Variants in MED15 observed in about 807,000 individuals in gnomAD.
MED15 encodes mediator complex subunit 15.
In MED15, 41 loss-of-function variants were observed where a neutral mutation model predicts 118.7. The ratio of observed to expected loss-of-function variants is 0.35; its 90% CI spans 0.27 to 0.45. The LOEUF (loss-of-function observed/expected upper bound fraction) is 0.45. Among genes scored for constraint, MED15 ranks in the 20% least tolerant of loss-of-function variants. The probability of loss-of-function intolerance (pLI) is 1.00; values close to 1 mark genes in which losing one functional copy is unlikely to be tolerated. For synonymous variants in MED15, 436 were observed against 413.9 expected (o/e 1.05, Z -0.65); for missense variants, 740 against 1,025.5 (o/e 0.72, Z 3.80).
chr22:20,570,763 T>C (rs1222477742), intron 8 of MED15, among the ~76,000 whole-genome samples: 2 of 121,820 alleles, frequency 1.6e-5, no homozygotes, highest in South Asian at 5.7e-4. Context: ...TTTTTTTTTT[T>C]TTTTTTTTTT....
At chr22:20,535,316 T>C (rs2055023489) in intron 1 of MED15, among the ~76,000 whole-genome samples, 1 of 152,150 alleles carries the variant, frequency 6.6e-6, no homozygotes, top group Non-Finnish European at 1.5e-5. Context: ...TTTTTCTTTT[T>C]ACATTAAGAC....
At chr22:20,551,394 T>A (rs762517348) in intron 2 of MED15, 42 bp from the exon 3 acceptor site, 1 of 1,588,734 alleles carries the variant, frequency 6.3e-7, no homozygotes, top group East Asian at 2.2e-5. Flanking sequence ...ATGACTGCGC[T>A]TCTTCATCTG....
intron 5 of MED15, among the ~76,000 whole-genome samples, chr22:20,557,835 G>A (rs1209043509): frequency 2.0e-5 from 3 of 152,180 alleles, no homozygotes; most frequent in Admixed American, 6.5e-5. Context: ...GGCTGGGCAC[G>A]GTGGCTCACG....
chr22:20,570,163 T>TA (rs1384094376), intron 8 of MED15, among the ~76,000 whole-genome samples: 1 of 152,150 alleles, frequency 6.6e-6, no homozygotes, highest in Non-Finnish European at 1.5e-5. Context: ...TAGCTGGAAC[T>TA]ACAGGCGCGT....
At chr22:20,522,047 G>A (rs1300329599) in intron 1 of MED15, 2 of 152,104 alleles carry the variant, frequency 1.3e-5, no homozygotes, top group African/African-American at 2.4e-5. Flanking sequence ...TGTTTATGAC[G>A]TGTTATTCCA....
chr22:20,537,722 C>A (rs1434308238), intron 2 of MED15, among the ~76,000 whole-genome samples: 1 of 152,240 alleles, frequency 6.6e-6, no homozygotes, highest in African/African-American at 2.4e-5. Context: ...CTGGGTGGGG[C>A]ACCACACTGA....
chr22:20,554,943 G>C lies in MED15; in HGVS notation c.246G>C (p.Met82Ile). Residue 82 changes from methionine (M) to isoleucine (I), a missense_variant, in exon 5 of 18, where the codon ATG becomes ATC. By Grantham distance (10) the Met-to-Ile change is conservative. Coordinates refer to ENST00000263205, the MANE Select transcript of MED15 (RefSeq NM_001003891.3). The stretch of plus-strand genomic sequence containing the variant: ...GCCCTTGTGTTCCCACAGATCCTAT[G>C]AATGCACTCCAGAGCCTGACTGGCG... ...KKSQASVSDPMNALQSLTGGP... is the reference protein window; with the variant it reads ...KKSQASVSDPINALQSLTGGP... The C allele has an allele frequency of 6.2e-7, 1 of 1,604,424 alleles. No individual in the cohort carries two copies. The highest frequency in any genetic ancestry group is 8.5e-7 in the Non-Finnish European group (1 of 1,178,214).
intron 9 of MED15, among the ~76,000 whole-genome samples, chr22:20,580,149 C>T (rs2056938239): frequency 6.6e-6 from 1 of 152,134 alleles, no homozygotes. Context: ...CTCTGCTGGC[C>T]ACCAGCTGCC....
At chr22:20,539,454 C>T (rs2055205675) in intron 2 of MED15, among the ~76,000 whole-genome samples, 1 of 152,180 alleles carries the variant, frequency 6.6e-6, no homozygotes, top group Admixed American at 6.5e-5. Flanking sequence ...TTCTGGATGG[C>T]CATATCACAT....
chr22:20,575,157 C>T lies in MED15; in HGVS notation c.1197C>T (p.Ala399=). ...CCCAAGGTGGGATGCACATAAGAGC[C>T]CGGTTCCCGCCTACCACCGCTGTGT... ...ALAQGGMHIR[A]RFPPTTAVSA... The change falls in exon 9 of 18, where the codon GCC becomes GCT. Residue 399 remains alanine, a synonymous_variant. Coordinates refer to ENST00000263205, the MANE Select transcript of MED15 (RefSeq NM_001003891.3). The T allele has an allele frequency of 6.2e-7, 1 of 1,614,176 alleles. No individual in the cohort carries two copies. The highest frequency in any genetic ancestry group is 8.5e-7 in the Non-Finnish European group (1 of 1,180,038).
At chr22:20,527,339 G>A (rs983526962) in intron 1 of MED15, among the ~76,000 whole-genome samples, 1 of 151,742 alleles carries the variant, frequency 6.6e-6, no homozygotes, top group African/African-American at 2.4e-5. Context: ...TTATTTCCAA[G>A]AACTCCTTCT....
intron 9 of MED15, among the ~76,000 whole-genome samples, chr22:20,581,652 C>T (rs543896206): frequency 6.6e-5 from 10 of 152,252 alleles, no homozygotes; most frequent in South Asian, 4.1e-4. Flanking sequence ...GGAGGCCAGA[C>T]GCCCAGGGCT....
Position 20,585,736 on chromosome 22 carries a change from G to A in MED15, c.2140G>A (p.Asp714Asn). 6.2e-7 allele frequency: 1 copy of A among 1,613,216 alleles called. No homozygotes were observed. The highest frequency in any genetic ancestry group is 2.2e-5 in the East Asian group (1 of 44,882). Residue 714 changes from aspartate to asparagine, a missense_variant, in exon 17 of 18, where the codon GAC becomes AAC. Around this residue, in one of 7 missense-constraint regions of MED15, gnomAD observed 179 missense variants for 259.0 expected, o/e 0.69. Coordinates refer to ENST00000263205, the MANE Select transcript of MED15 (RefSeq NM_001003891.3). ...AGCCTTCTGTGTTGCAGATGACAAG[G>A]ACCTCCCAAGTGTGCCACCACTGGA... Reference protein sequence around the residue: ...VHLICKLDDKDLPSVPPLELS... With the variant: ...VHLICKLDDKNLPSVPPLELS...
At chr22:20,532,482 C>T (rs1601497860) in intron 1 of MED15, among the ~76,000 whole-genome samples, 1 of 152,164 alleles carries the variant, frequency 6.6e-6, no homozygotes, top group South Asian at 2.1e-4. Context: ...TGGGAGGCTT[C>T]AGTCTAAGCT....
intron 1 of MED15, among the ~76,000 whole-genome samples, chr22:20,513,977 C>T (rs1428750519): frequency 6.6e-6 from 1 of 152,182 alleles, no homozygotes; most frequent in Admixed American, 6.5e-5. Flanking sequence ...GATCCTCCCA[C>T]CTCAGCATTC....
rs2285699 is a variant in MED15 at position 20,585,798 on chromosome 22, G to T, written c.2202G>T (p.Pro734=). 7 of 1,613,050 alleles carry T rather than the reference G, an allele frequency of 4.3e-6. No homozygotes were observed. Among genetic ancestry groups the T allele is most frequent in the Non-Finnish European group, 5.9e-6 (7 of 1,179,972 alleles). The part of the protein sequence containing the change: ...SVPADYPAQS[P]LWIDRQWQYD... Reference sequence around the variant, plus strand: ...CCGCTGACTATCCTGCCCAAAGCCCGCTGTGGATAGACCGGCAGTGGCAGT... The same window carrying T: ...CCGCTGACTATCCTGCCCAAAGCCCTCTGTGGATAGACCGGCAGTGGCAGT... The change falls in exon 17 of 18, where the codon CCG becomes CCT. Residue 734 remains proline (P), a synonymous_variant. Coordinates refer to ENST00000263205, the MANE Select transcript of MED15 (RefSeq NM_001003891.3).
chr22:20,539,279 A>G (rs757033234), intron 2 of MED15, among the ~76,000 whole-genome samples: 1 of 150,296 alleles, frequency 6.7e-6, no homozygotes, highest in Non-Finnish European at 1.5e-5. Context: ...TCGTATTTTT[A>G]GTAGAGATGG....
rs1451698565 is a variant in MED15 at position 20,585,644 on chromosome 22, G to GT, written c.2132-83dup. On this transcript the variant is annotated intron_variant, in intron 16 of 17. Coordinates refer to ENST00000263205, the MANE Select transcript of MED15 (RefSeq NM_001003891.3). ...AAGCTTCACCAGAACCTCCCTGGGTGTGGAGTCCTGTTCCAGAGCAGGGCT... is the reference window on the plus strand; with the variant it reads ...AAGCTTCACCAGAACCTCCCTGGGTGTTGGAGTCCTGTTCCAGAGCAGGGCT... The GT allele has an allele frequency of 4.7e-6, 6 of 1,268,116 alleles. No homozygotes were observed. The African/African-American group carries it at 8.8e-5, about 19-fold the overall frequency. The allele number at this position is 1,268,116 out of a possible 1,614,324, so 78.6% of individuals were successfully genotyped here.
rs529846355 is a variant in MED15 at position 20,564,583 on chromosome 22, C to T, written c.585C>T (p.Ala195=). 2.2e-5 allele frequency: 36 copies of T among 1,608,254 alleles called. No homozygotes were observed. In the East Asian group the frequency reaches 5.6e-4, roughly 25 times the overall value. ...AGCAGTTCCAGGCTCAGCAGAGTGC[C>T]ATGCAGCAGCAGTTCCAAGCAGTAG... ...QQQQFQAQQS[A]MQQQFQAVVQ... is the part of the protein sequence containing the mutation. Residue 195 remains alanine, a synonymous_variant, in exon 6 of 18, where the codon GCC becomes GCT. Coordinates refer to ENST00000263205, the MANE Select transcript of MED15 (RefSeq NM_001003891.3).
Sources: gnomAD v4.1 joint callset for allele counts (sites outside exome capture counted in the v4.1 genomes callset) on GRCh38, gnomAD v4.1.1 for gene constraint, gnomAD v4.1.1 regional missense constraint, MANE v1.5 for transcripts, NCBI Gene and HGNC (gene_info 2026-07-23, HGNC 2026-07-21) for gene names.